HLA-F: variants seen among roughly 807,000 people sequenced by gnomAD.
The protein encoded by HLA-F is HLA class I histocompatibility antigen, alpha chain F.
In HLA-F, 46 loss-of-function variants were observed where a neutral mutation model predicts 49.5. The ratio of observed to expected loss-of-function variants is 0.93; its 90% CI spans 0.73 to 1.19. The LOEUF is 1.19. HLA-F is among the 50% of genes most tolerant of loss of function. HLA-F has a pLI of 0.00. For synonymous variants in HLA-F, 203 were observed against 233.5 expected, an observed-to-expected ratio of 0.87 and a Z score of 1.19; for missense variants, 496 against 579.6, an observed-to-expected ratio of 0.86 and a Z score of 1.48.
At chr6:29,731,227 G>GGATGGATAGATGGATAGATA (rs1212859904), downstream of HLA-F, among the ~76,000 whole-genome samples, 36 of 131,344 alleles carry the variant, frequency 2.7e-4, no homozygotes, top group Admixed American at 9.7e-4. Flanking sequence ...TAGAGTAGAT[G>GGATGGATAGATGGATAGATA]GATACATAGA....
chr6:29,724,093 A>T (rs1277047903), intron 2 of HLA-F, 80 bp from the exon 3 acceptor site: 1 of 1,576,414 alleles, frequency 6.3e-7, no homozygotes, highest in African/African-American at 1.3e-5. Context: ...GTTCATTTTC[A>T]GTTTAGGCCA....
chr6:29,725,367 G>C, intron 4 of HLA-F, 61 bp downstream of exon 4: 1 of 1,610,728 alleles, frequency 6.2e-7, no homozygotes, highest in Non-Finnish European at 8.5e-7. Context: ...AGGGAAAGCA[G>C]GAGCCCTTCT....
At chr6:29,728,749 T>A (rs1213773066), downstream of HLA-F, 1 of 152,076 alleles carries the variant, frequency 6.6e-6, no homozygotes, top group Non-Finnish European at 1.5e-5. Flanking sequence ...CCAGGTGAAA[T>A]TATTGAAGCT....
At position 29,725,236 on chromosome 6, in the gene HLA-F, T is replaced by C; in HGVS notation, c.816T>C (p.Pro272=). The C allele has an allele frequency of 6.2e-7, 1 of 1,613,966 alleles. No individual in the cohort carries two copies. The highest frequency in any genetic ancestry group is 8.5e-7 in the Non-Finnish European group (1 of 1,179,898). The stretch of plus-strand genomic sequence containing the variant: ...AGTGGGCCGCTGTGGTGGTGCCTCC[T>C]GGAGAGGAACAGAGATACACATGCC... ...FQKWAAVVVP[P]GEEQRYTCHV... is the part of the protein sequence containing the mutation. The change falls in exon 4 of 7, where the codon CCT becomes CCC. Residue 272 remains proline (P), a synonymous_variant. Transcript: ENST00000259951.
At chr6:29,734,841 C>G (rs150299534) in intron 3 of HLA-F, among the ~76,000 whole-genome samples, 2,250 of 152,238 alleles carry the variant, frequency 0.015, 25 homozygotes, top group Admixed American at 0.032. Context: ...GCCACCAGAC[C>G]CTGTCACCAC....
intron 3 of HLA-F, among the ~76,000 whole-genome samples, chr6:29,733,406 T>G (rs1562306316): frequency 6.6e-6 from 1 of 152,184 alleles, no homozygotes; most frequent in Non-Finnish European, 1.5e-5. Context: ...TTTAAAGTCT[T>G]CTGTGATCAA....
intron 3 of HLA-F, chr6:29,735,744 G>C (rs1391675287): frequency 6.6e-6 from 1 of 152,058 alleles, no homozygotes; most frequent in Non-Finnish European, 1.5e-5. Flanking sequence ...TCTTTAAATA[G>C]TCATTCTTCT....
chr6:29,726,865 T>A lies in HLA-F; in HGVS notation c.1037-18T>A. The A allele has an allele frequency of 6.2e-7, 1 of 1,600,338 alleles. No homozygotes were observed. Among genetic ancestry groups the A allele is most frequent in the Non-Finnish European group, 8.5e-7 (1 of 1,179,506 alleles). The stretch of plus-strand genomic sequence containing the variant: ...ACAGTGAACACAAGTAGGCTGTTGT[T>A]TTCTATCTTCTTCACAGCCTACTCA... On this transcript the variant is annotated intron_variant, in intron 6 of 6. Coordinates refer to ENST00000259951, the MANE Select transcript of HLA-F (RefSeq NM_001098479.2).
intron 6 of HLA-F, 23 bp downstream of exon 6, chr6:29,726,066 C>T: frequency 6.2e-7 from 1 of 1,610,730 alleles, no homozygotes; most frequent in Non-Finnish European, 8.5e-7. Flanking sequence ...AGGCTGATCC[C>T]TGAGATTGTT....
chr6:29,726,524 A>T lies in HLA-F; in HGVS notation c.1037-359A>T, dbSNP rs886835303. 3.1e-5 allele frequency: 47 copies of T among 1,529,530 alleles called. No individual in the cohort carries two copies. The African/African-American group carries it at 6.0e-4, about 20-fold the overall frequency. The allele number at this position is 1,529,530 out of a possible 1,614,324, so 94.7% of individuals were successfully genotyped here. A position where few individuals can be genotyped will look rare whatever the true frequency, so the allele number is the denominator to read the frequency against. Reference sequence around the variant, plus strand: ...AGAATAAAAATATATCTTTTTATAGATACAGGTAGATATGTTTTTATAGCA... The same window carrying T: ...AGAATAAAAATATATCTTTTTATAGTTACAGGTAGATATGTTTTTATAGCA... On this transcript the variant is annotated intron_variant, in intron 6 of 6. Transcript: ENST00000259951.
chr6:29,725,854 G>A, intron 5 of HLA-F, 157 bp from the exon 6 acceptor site: 1 of 831,444 alleles, frequency 1.2e-6, no homozygotes, highest in Admixed American at 2.2e-5. Context: ...GTTGGTCCAG[G>A]ACCCACATCT....
chr6:29,733,021 C>G (rs1776755098), intron 3 of HLA-F, among the ~76,000 whole-genome samples: 2 of 152,168 alleles, frequency 1.3e-5, no homozygotes, highest in South Asian at 4.2e-4. Context: ...AACCCTGTCT[C>G]TACTAAAAAT....
downstream of HLA-F, chr6:29,728,847 T>G (rs1436080225): frequency 6.6e-6 from 1 of 152,138 alleles, no homozygotes; most frequent in African/African-American, 2.4e-5. Context: ...ATGGGGTTCC[T>G]GGAAGGGACC....
chr6:29,733,560 G>A (rs1038187283), intron 3 of HLA-F, among the ~76,000 whole-genome samples: 2 of 152,196 alleles, frequency 1.3e-5, no homozygotes, highest in South Asian at 2.1e-4. Flanking sequence ...TGAGGCTGTC[G>A]TGTGCTATTA....
chr6:29,726,425 G>A, intron 6 of HLA-F: 1 of 1,611,484 alleles, frequency 6.2e-7, no homozygotes, highest in Middle Eastern at 1.9e-4. Context: ...TCCTTGTGTG[G>A]GACTGAGAAG....
intron 6 of HLA-F, 167 bp from the exon 7 acceptor site, chr6:29,726,716 G>A: frequency 1.6e-6 from 2 of 1,250,244 alleles, no homozygotes; most frequent in Non-Finnish European, 2.3e-6. Context: ...TCGTAGTCAG[G>A]AGCCAGTCGA....
chr6:29,730,313 T>A (rs1392891981), downstream of HLA-F, among the ~76,000 whole-genome samples: 1 of 152,180 alleles, frequency 6.6e-6, no homozygotes, highest in Non-Finnish European at 1.5e-5. Flanking sequence ...AAATATAATA[T>A]TTCACTTATG....
chr6:29,726,140 T>G, intron 6 of HLA-F, 97 bp downstream of exon 6: 1 of 1,224,960 alleles, frequency 8.2e-7, no homozygotes, highest in Non-Finnish European at 1.2e-6. Context: ...TAGCCACATC[T>G]GTGGGCTCTG....
chr6:29,729,480 AAATTAACTC>A, downstream of HLA-F: 1 of 152,296 alleles, frequency 6.6e-6, no homozygotes, highest in Non-Finnish European at 1.5e-5. Context: ...CCATATTCAA[AAATTAACTC>A]AATTAACTCA....
Sources: allele counts gnomAD v4.1 joint callset (sites outside exome capture counted in the v4.1 genomes callset), GRCh38; gene constraint gnomAD v4.1.1; transcripts MANE v1.5; gene names NCBI Gene and HGNC (gene_info 2026-07-23, HGNC 2026-07-21).